Variants in FSTL5 observed in about 807,000 individuals in gnomAD.
FSTL5 encodes follistatin-related protein 5.
A neutral mutation model predicts 89.1 loss-of-function variants in FSTL5; 62 were observed. The ratio of observed to expected loss-of-function variants is 0.70; its 90% CI spans 0.57 to 0.86. The LOEUF is 0.86. Ranked by LOEUF, FSTL5 falls within the 40% of genes least tolerant of loss-of-function variation. The probability of loss-of-function intolerance (pLI) is 0.00; values close to 1 mark genes in which losing one functional copy is unlikely to be tolerated. For missense variants in FSTL5, 1,057 were observed against 1,001.6 expected (o/e 1.06, Z -0.75); for synonymous variants, 383 against 346.2 (o/e 1.11, Z -1.18).
At chr4:161,672,689 G>A (rs1330597989) in intron 6 of FSTL5, among the ~76,000 whole-genome samples, 3 of 139,192 alleles carry the variant, frequency 2.2e-5, no homozygotes, top group African/African-American at 8.2e-5. Flanking sequence ...ATTTTCTCTC[G>A]ATTTTATCTA....
intron 13 of FSTL5, among the ~76,000 whole-genome samples, chr4:161,463,863 C>T (rs1214129686): frequency 6.6e-6 from 1 of 152,168 alleles, no homozygotes; most frequent in Non-Finnish European, 1.5e-5. Flanking sequence ...ATTGAATCTA[C>T]CTTCTAAATG....
At chr4:161,916,629 A>G (rs1396875915) in intron 4 of FSTL5, among the ~76,000 whole-genome samples, 5 of 152,204 alleles carry the variant, frequency 3.3e-5, no homozygotes, top group East Asian at 1.9e-4. Flanking sequence ...ATAATCAAAT[A>G]AATGTGAATA....
chr4:162,121,821 C>G (rs747625353), intron 1 of FSTL5, among the ~76,000 whole-genome samples: 1 of 152,090 alleles, frequency 6.6e-6, no homozygotes, highest in African/African-American at 2.4e-5. Flanking sequence ...AAAGCAAAAC[C>G]AACCTCTCTT....
At chr4:162,030,715 T>A (rs1054303443) in intron 3 of FSTL5, among the ~76,000 whole-genome samples, 5 of 152,200 alleles carry the variant, frequency 3.3e-5, no homozygotes, top group African/African-American at 1.2e-4. Flanking sequence ...ATCTTTTAAA[T>A]TATTTCAAAA....
At position 161,846,812 on chromosome 4, in the gene FSTL5, C is replaced by T. The variant is rs545318396; in HGVS notation, c.410-70738G>A. ...GGACCATTACCACTTCTCTATGCAG[C>T]CATGCAGTCTTGTATTACTGACTTA... On this transcript the variant is annotated intron_variant, in intron 4 of 15. Coordinates refer to ENST00000306100, the MANE Select transcript of FSTL5 (RefSeq NM_020116.5). 3.3e-5 allele frequency among the ~76,000 whole-genome samples: 5 copies of T among 152,226 alleles called. No homozygotes were observed. The East Asian group carries it at 9.7e-4, about 29-fold the overall frequency.
intron 3 of FSTL5, among the ~76,000 whole-genome samples, chr4:161,978,351 C>T (rs1302111500): frequency 6.6e-6 from 1 of 151,912 alleles, no homozygotes; most frequent in African/African-American, 2.4e-5. Context: ...GAAAACAAAA[C>T]AAAAAACCCT....
In FSTL5 at chr4:161,887,464, CT is replaced by C. The variant is rs574979657; in HGVS notation, c.409+32939del. ...TATCATCTATAATCTATCAGTCTAT[CT>C]GTCTGTTTTTCTATCTACTTCTATC... On this transcript the variant is annotated intron_variant, in intron 4 of 15. Transcript: ENST00000306100. 4.0e-5 allele frequency among the ~76,000 whole-genome samples: 6 copies of C among 151,088 alleles called. No homozygotes were observed. The South Asian group carries it at 1.2e-3, about 31-fold the overall frequency.
At chr4:162,126,100 A>G (rs75305230) in intron 1 of FSTL5, among the ~76,000 whole-genome samples, 20,822 of 152,068 alleles carry the variant, frequency 0.14, 1,949 homozygotes, top group Non-Finnish European at 0.19. Context: ...CCTTTAAAAT[A>G]TAAGAAATCA....
At chr4:161,442,661 T>C (rs112331830) in intron 15 of FSTL5, among the ~76,000 whole-genome samples, 274 of 152,176 alleles carry the variant, frequency 1.8e-3, no homozygotes, top group African/African-American at 6.4e-3. Flanking sequence ...ATTCACTGAG[T>C]GCTAATTATT....
chr4:161,992,339 G>C (rs1002700447), intron 3 of FSTL5, among the ~76,000 whole-genome samples: 1 of 152,164 alleles, frequency 6.6e-6, no homozygotes, highest in Non-Finnish European at 1.5e-5. Flanking sequence ...AGTAGAAGCA[G>C]AAACTGTGGG....
chr4:161,459,672 A>G (rs953706635), intron 13 of FSTL5, among the ~76,000 whole-genome samples: 2 of 152,014 alleles, frequency 1.3e-5, no homozygotes, highest in African/African-American at 2.4e-5. Flanking sequence ...GAAACTCAAG[A>G]TATAAAAGAT....
chr4:161,845,503 T>G (rs1731339718), intron 4 of FSTL5, among the ~76,000 whole-genome samples: 1 of 152,226 alleles, frequency 6.6e-6, no homozygotes, highest in South Asian at 2.1e-4. Context: ...ATTACTCATT[T>G]TATTCACTAG....
intron 3 of FSTL5, among the ~76,000 whole-genome samples, chr4:162,004,416 C>A (rs1018577450): frequency 2.0e-5 from 3 of 152,194 alleles, no homozygotes; most frequent in African/African-American, 4.8e-5. Context: ...GCATAATCAT[C>A]TGTGCTTACT....
chr4:162,090,728 C>T (rs1335897365), intron 2 of FSTL5, among the ~76,000 whole-genome samples: 1 of 151,794 alleles, frequency 6.6e-6, no homozygotes, highest in Non-Finnish European at 1.5e-5. Flanking sequence ...GGCTGAGGCA[C>T]GGATCCCTTG....
chr4:161,448,208 G>A (rs1443644063), intron 15 of FSTL5, among the ~76,000 whole-genome samples: 1 of 152,144 alleles, frequency 6.6e-6, no homozygotes, highest in Non-Finnish European at 1.5e-5. Flanking sequence ...GCACCTCACT[G>A]AATTGTGACT....
chr4:161,890,168 A>C (rs1013885153), intron 4 of FSTL5, among the ~76,000 whole-genome samples: 3 of 152,162 alleles, frequency 2.0e-5, no homozygotes, highest in African/African-American at 7.2e-5. Context: ...CAGTTTCAAT[A>C]AACTGCAATA....
intron 3 of FSTL5, among the ~76,000 whole-genome samples, chr4:161,935,236 A>G (rs1416477096): frequency 6.6e-6 from 1 of 152,092 alleles, no homozygotes; most frequent in East Asian, 1.9e-4. Context: ...ATTCCAAGGC[A>G]GTAGGGAGAG....
intron 5 of FSTL5, among the ~76,000 whole-genome samples, chr4:161,772,992 G>A (rs1836295): frequency 0.99 from 150,187 of 152,272 alleles, 74,093 homozygotes; most frequent in East Asian, 1. Context: ...TGGTATAAAA[G>A]TAGGCACAAA....
At chr4:161,795,579 T>C (rs776379342) in intron 4 of FSTL5, among the ~76,000 whole-genome samples, 3 of 152,140 alleles carry the variant, frequency 2.0e-5, no homozygotes, top group Non-Finnish European at 4.4e-5. Context: ...ATTGGTACTA[T>C]AGCGAAGCAA....
Sources: allele counts gnomAD v4.1 joint callset (sites outside exome capture counted in the v4.1 genomes callset), GRCh38; gene constraint gnomAD v4.1.1; transcripts MANE v1.5; gene names NCBI Gene and HGNC (gene_info 2026-07-23, HGNC 2026-07-21).